The following NALF1 variants were observed in gnomAD, a reference collection of about 807,000 sequenced individuals.
The protein encoded by NALF1 is family with sequence similarity 155 member A.
Under a neutral mutation model 48.4 loss-of-function variants are expected in NALF1, and 3 were observed. The observed-to-expected ratio is 0.06, with a 90% CI of 0.03 to 0.16. NALF1 has a LOEUF of 0.16. Among genes scored for constraint, NALF1 ranks in the 10% least tolerant of loss-of-function variants. NALF1 has a pLI of 1.00. For missense variants in NALF1, 526 were observed against 571.5 expected, an observed-to-expected ratio of 0.92 and a Z score of 0.81; for synonymous variants, 262 against 245.7, an observed-to-expected ratio of 1.07 and a Z score of -0.62.
At chr13:107,407,716 G>A (rs1883923769) in intron 1 of NALF1, among the ~76,000 whole-genome samples, 1 of 151,968 alleles carries the variant, frequency 6.6e-6, no homozygotes, top group African/African-American at 2.4e-5. Context: ...TAAATCTAGA[G>A]CTACCATATG....
intron 1 of NALF1, among the ~76,000 whole-genome samples, chr13:107,591,119 A>G (rs1878590572): frequency 1.3e-5 from 2 of 152,064 alleles, no homozygotes; most frequent in African/African-American, 4.8e-5. Flanking sequence ...AATAAAGATG[A>G]GAGTAACAAT....
At chr13:107,413,330 T>C (rs573245342) in intron 1 of NALF1, among the ~76,000 whole-genome samples, 123 of 152,294 alleles carry the variant, frequency 8.1e-4, no homozygotes, top group Non-Finnish European at 1.4e-3. Context: ...AATAAAAATG[T>C]TCACTGCTAC....
At chr13:107,282,748 C>T (rs1024542529) in intron 1 of NALF1, among the ~76,000 whole-genome samples, 4 of 152,172 alleles carry the variant, frequency 2.6e-5, no homozygotes, top group African/African-American at 9.6e-5. Flanking sequence ...TGATCGACCT[C>T]GGAAGTGAAT....
At chr13:107,293,667 A>G in intron 1 of NALF1, among the ~76,000 whole-genome samples, 1 of 152,214 alleles carries the variant, frequency 6.6e-6, no homozygotes, top group Non-Finnish European at 1.5e-5. Flanking sequence ...TGGCTCTGAA[A>G]AATTAGTATT....
intron 1 of NALF1, among the ~76,000 whole-genome samples, chr13:107,715,086 T>C (rs1875711337): frequency 6.6e-6 from 1 of 152,236 alleles, no homozygotes; most frequent in Non-Finnish European, 1.5e-5. Context: ...TCATGTGTAG[T>C]AATCACATCA....
intron 2 of NALF1, among the ~76,000 whole-genome samples, chr13:107,192,027 G>A (rs2138785171): frequency 6.6e-6 from 1 of 151,434 alleles, no homozygotes; most frequent in Middle Eastern, 3.4e-3. Context: ...AAAGAAGAAT[G>A]TGCATGACCG....
intron 1 of NALF1, among the ~76,000 whole-genome samples, chr13:107,286,153 T>C (rs1358151681): frequency 6.6e-6 from 1 of 152,170 alleles, no homozygotes; most frequent in East Asian, 1.9e-4. Context: ...TCTTGTACAT[T>C]GTTGGTGGGA....
intron 1 of NALF1, among the ~76,000 whole-genome samples, chr13:107,546,320 A>C (rs1002182213): frequency 3.3e-5 from 5 of 152,140 alleles, no homozygotes; most frequent in African/African-American, 1.2e-4. Flanking sequence ...AATCAATACG[A>C]AGCACAAACA....
At chr13:107,248,984 C>CAT (rs1172327104) in intron 1 of NALF1, among the ~76,000 whole-genome samples, 1 of 150,868 alleles carries the variant, frequency 6.6e-6, no homozygotes, top group Non-Finnish European at 1.5e-5. Flanking sequence ...ATATACACAA[C>CAT]ATATATATAT....
intron 1 of NALF1, among the ~76,000 whole-genome samples, chr13:107,260,128 A>G (rs952863451): frequency 2.6e-5 from 4 of 152,262 alleles, no homozygotes; most frequent in East Asian, 1.9e-4. Flanking sequence ...TAGGAGTAGA[A>G]GTTAAAATGA....
chr13:107,347,423 A>C (rs763563673), intron 1 of NALF1, among the ~76,000 whole-genome samples: 2 of 152,260 alleles, frequency 1.3e-5, no homozygotes, highest in Non-Finnish European at 2.9e-5. Context: ...CTGCTTTCCT[A>C]GCACAACAAA....
chr13:107,299,469 AATAAAT>A (rs1197301791), intron 1 of NALF1, among the ~76,000 whole-genome samples: 81 of 26,974 alleles, frequency 3.0e-3, no homozygotes, highest in Non-Finnish European at 4.7e-3. Context: ...TAATAATAAT[AATAAAT>A]AAATAAATAA....
At chr13:107,179,112 A>C (rs1357712070) in intron 2 of NALF1, among the ~76,000 whole-genome samples, 1 of 152,198 alleles carries the variant, frequency 6.6e-6, no homozygotes, top group Non-Finnish European at 1.5e-5. Context: ...AAGCAACCTA[A>C]GCATCCATTG....
intron 1 of NALF1, among the ~76,000 whole-genome samples, chr13:107,365,545 G>C (rs1388393454): frequency 6.6e-6 from 1 of 152,140 alleles, no homozygotes; most frequent in Non-Finnish European, 1.5e-5. Context: ...CACATGTATG[G>C]ATATCATATT....
intron 1 of NALF1, among the ~76,000 whole-genome samples, chr13:107,240,628 C>G (rs1172031775): frequency 6.6e-6 from 1 of 152,108 alleles, no homozygotes; most frequent in Admixed American, 6.6e-5. Context: ...AGAAAATACA[C>G]GTGGAGAACC....
intron 1 of NALF1, among the ~76,000 whole-genome samples, chr13:107,269,156 T>C (rs191733020): frequency 6.8e-6 from 1 of 147,832 alleles, no homozygotes; most frequent in African/African-American, 2.4e-5. Context: ...AGTGAGACCC[T>C]GTCTATGTTT....
chr13:107,477,550 A>G (rs1885191967), intron 1 of NALF1, among the ~76,000 whole-genome samples: 1 of 152,042 alleles, frequency 6.6e-6, no homozygotes. Context: ...ACTGAAAGTC[A>G]TCTTCTTGTG....
intron 1 of NALF1, among the ~76,000 whole-genome samples, chr13:107,330,993 A>C (rs1882458491): frequency 6.6e-6 from 1 of 152,236 alleles, no homozygotes; most frequent in African/African-American, 2.4e-5. Flanking sequence ...AATTACAGGA[A>C]TGCAAGATGG....
chr13:107,746,184 C>T (rs1441733712), intron 1 of NALF1, among the ~76,000 whole-genome samples: 2 of 152,192 alleles, frequency 1.3e-5, no homozygotes, highest in African/African-American at 4.8e-5. Flanking sequence ...ATAAAAATAT[C>T]TTCTGTCACC....
Sources: gnomAD v4.1 joint callset for allele counts (sites outside exome capture counted in the v4.1 genomes callset) on GRCh38, gnomAD v4.1.1 for gene constraint, MANE v1.5 for transcripts, NCBI Gene and HGNC (gene_info 2026-07-23, HGNC 2026-07-21) for gene names.